VPS41: variants seen among roughly 807,000 people sequenced by gnomAD.
VPS41 encodes VPS41 subunit of HOPS complex, also known as vacuolar protein sorting-associated protein 41 homolog.
A neutral mutation model predicts 130.9 loss-of-function variants in VPS41; 85 were observed. The observed-to-expected ratio is 0.65, with a 90% confidence interval of 0.55 to 0.78. VPS41 has a LOEUF of 0.78. Among genes scored for constraint, VPS41 ranks in the 30% least tolerant of loss-of-function variants. The pLI, the probability that VPS41 is intolerant of heterozygous loss-of-function variation, is 0.00. For missense variants in VPS41, 874 were observed against 1,018.7 expected (o/e 0.86, Z 1.93); for synonymous variants, 335 against 332.9 (o/e 1.01, Z -0.07).
At chr7:38,840,494 G>A (rs966755189) in intron 4 of VPS41, among the ~76,000 whole-genome samples, 6 of 152,078 alleles carry the variant, frequency 3.9e-5, no homozygotes, top group African/African-American at 1.4e-4. Flanking sequence ...GCAAATATTA[G>A]GAAAGAGACT....
At chr7:38,898,048 G>A (rs373398790) in intron 2 of VPS41, 43 bp downstream of exon 2, 33 of 1,590,228 alleles carry the variant, frequency 2.1e-5, no homozygotes, top group Non-Finnish European at 2.8e-5. Flanking sequence ...AGAGAACAAC[G>A]TGGTGAGCTA....
chr7:38,753,192 C>T (rs1227759449), intron 21 of VPS41, among the ~76,000 whole-genome samples: 1 of 152,132 alleles, frequency 6.6e-6, no homozygotes, highest in African/African-American at 2.4e-5. Context: ...AGCATTAACA[C>T]CTTGGGTTGC....
intron 14 of VPS41, among the ~76,000 whole-genome samples, chr7:38,768,325 G>T (rs1302939944): frequency 6.6e-6 from 1 of 151,874 alleles, no homozygotes; most frequent in Non-Finnish European, 1.5e-5. Flanking sequence ...GCTTAAGCTT[G>T]ATATATATAA....
At chr7:38,745,502 C>T (rs1795968878) in intron 23 of VPS41, 57 bp downstream of exon 23, 7 of 1,376,126 alleles carry the variant, frequency 5.1e-6, no homozygotes, top group African/African-American at 1.4e-5. Flanking sequence ...CAATTTACTT[C>T]ATGTTGTCAT....
intron 16 of VPS41, among the ~76,000 whole-genome samples, 195 bp downstream of exon 16, chr7:38,765,385 T>G (rs944309900): frequency 1.5e-5 from 2 of 131,314 alleles, no homozygotes; most frequent in Admixed American, 1.7e-4. Context: ...GTATATGTAA[T>G]AAATATATAA....
rs1795483328 is a variant in VPS41 at position 38,723,746 on chromosome 7, A to AAAAAAAAAAAAAAAAAAAAG, written c.*2499_*2500insCTTTTTTTTTTTTTTTTTTT. On this transcript the variant is annotated 3_prime_UTR_variant, in exon 29 of 29. Coordinates refer to ENST00000310301, the MANE Select transcript of VPS41 (RefSeq NM_014396.4). ...CTCAAAAAAAAAAAAAAAAAAAAAA[A>AAAAAAAAAAAAAAAAAAAAG]AAAAAAGAATAGCTTATGAAGTGTG... The AAAAAAAAAAAAAAAAAAAAG allele has an allele frequency of 6.7e-6, 1 of 149,664 alleles. No homozygotes were observed. Among genetic ancestry groups the AAAAAAAAAAAAAAAAAAAAG allele is most frequent in the African/African-American group, 2.5e-5 (1 of 40,340 alleles). The allele number at this position is 149,664 out of a possible 1,614,324, so 9.3% of individuals were successfully genotyped here.
chr7:38,747,204 A>G (rs556696230), intron 22 of VPS41, among the ~76,000 whole-genome samples: 2 of 152,302 alleles, frequency 1.3e-5, no homozygotes, highest in African/African-American at 4.8e-5. Flanking sequence ...CAGTGATACT[A>G]CTGCAGAGAC....
rs1795975733 is a variant in VPS41, at chr7:38,745,852, A to C, written c.1927-239T>G. 4 of 431,314 alleles carry C rather than the reference A, an allele frequency of 9.3e-6. No individual in the cohort carries two copies. In the South Asian group the frequency reaches 1.4e-4, roughly 15 times the overall value. The allele number at this position is 431,314 out of a possible 1,614,324, so 26.7% of individuals were successfully genotyped here. ...TTGAAGCTACTCAGAACATTTCATG[A>C]GCAAGAGTAGAAAACAAGACACCAA... On this transcript the variant is annotated intron_variant, in intron 22 of 28. Coordinates refer to ENST00000310301, the MANE Select transcript of VPS41 (RefSeq NM_014396.4).
intron 22 of VPS41, among the ~76,000 whole-genome samples, chr7:38,746,523 C>T (rs957228398): frequency 3.9e-5 from 6 of 151,988 alleles, no homozygotes; most frequent in Admixed American, 6.6e-5. Flanking sequence ...GATGTGACAA[C>T]GCATTATTCC....
In VPS41 at chr7:38,886,481, G is replaced by A. The variant is rs541202240; in HGVS notation, c.60+11610C>T. Among the ~76,000 whole-genome samples, 275 of 152,290 alleles carry A rather than the reference G, an allele frequency of 1.8e-3. 2 individuals are homozygous for A. The highest frequency in any genetic ancestry group is 3.3e-3 in the Non-Finnish European group (222 of 68,012). On this transcript the variant is annotated intron_variant, in intron 2 of 28. Coordinates refer to ENST00000310301, the MANE Select transcript of VPS41 (RefSeq NM_014396.4). ...TGCCGTTACTGAGGCTTGAGTAGGC[G>A]GTTCTATGCTCACAGTGTAAACAAA...
At chr7:38,902,373 C>T (rs1037528972) in intron 1 of VPS41, among the ~76,000 whole-genome samples, 5 of 152,304 alleles carry the variant, frequency 3.3e-5, no homozygotes, top group Admixed American at 6.5e-5. Context: ...GAGGACCCCT[C>T]GCCGAGATAT....
chr7:38,872,825 G>C (rs1021228737), intron 2 of VPS41, among the ~76,000 whole-genome samples: 1 of 152,164 alleles, frequency 6.6e-6, no homozygotes, highest in Non-Finnish European at 1.5e-5. Flanking sequence ...AAGCAAGAAA[G>C]AGAAATCATT....
chr7:38,795,322 G>C (rs1002725245), intron 9 of VPS41, 143 bp downstream of exon 9: 1 of 549,370 alleles, frequency 1.8e-6, no homozygotes, highest in African/African-American at 1.9e-5. Context: ...GAAATAATTT[G>C]AGCATTAAAT....
chr7:38,827,805 G>A (rs187128810), intron 5 of VPS41, among the ~76,000 whole-genome samples: 5 of 152,214 alleles, frequency 3.3e-5, no homozygotes, highest in Admixed American at 6.5e-5. Flanking sequence ...AATTATAACC[G>A]AACTAAACTT....
At chr7:38,820,960 T>C (rs971955718) in intron 6 of VPS41, among the ~76,000 whole-genome samples, 4 of 142,162 alleles carry the variant, frequency 2.8e-5, no homozygotes, top group African/African-American at 8.3e-5. Context: ...TGTGTGTGTA[T>C]GTGTGTGTGA....
intron 13 of VPS41, 57 bp downstream of exon 13, chr7:38,772,465 T>C (rs1584388097): frequency 8.6e-7 from 1 of 1,157,526 alleles, no homozygotes. Context: ...ACATTTTATC[T>C]TCTCTCTCTA....
chr7:38,764,345 G>A (rs1783984915), intron 16 of VPS41, among the ~76,000 whole-genome samples: 2 of 152,228 alleles, frequency 1.3e-5, no homozygotes, highest in South Asian at 4.1e-4. Flanking sequence ...TGTGCAGGGA[G>A]GTCAGAGGAG....
At chr7:38,728,309 T>A in intron 27 of VPS41, 2 of 676,466 alleles carry the variant, frequency 3.0e-6, no homozygotes, top group Non-Finnish European at 2.7e-6. Context: ...CGATCTGGGT[T>A]CCAATAAGCC....
chr7:38,758,549 T>C, intron 17 of VPS41, 68 bp from the exon 18 acceptor site: 1 of 1,484,974 alleles, frequency 6.7e-7, no homozygotes, highest in Non-Finnish European at 9.1e-7. Context: ...TATTGTGAAA[T>C]ATACATTTGG....
Sources: gnomAD v4.1 joint callset for allele counts (sites outside exome capture counted in the v4.1 genomes callset) on GRCh38, gnomAD v4.1.1 for gene constraint, MANE v1.5 for transcripts, NCBI Gene and HGNC (gene_info 2026-07-23, HGNC 2026-07-21) for gene names.